Variants in PARD3B observed in about 807,000 individuals in gnomAD.
PARD3B encodes the protein par-3 family cell polarity regulator beta.
In PARD3B, 103 loss-of-function variants were observed where a neutral mutation model predicts 130.2. The observed-to-expected ratio is 0.79, with a 90% confidence interval of 0.67 to 0.93. The LOEUF is 0.93. Ranked by LOEUF, PARD3B falls within the 40% of genes least tolerant of loss-of-function variation. PARD3B has a pLI of 0.00. For synonymous variants in PARD3B, 583 were observed against 553.2 expected, an observed-to-expected ratio of 1.05 and a Z score of -0.76; for missense variants, 1,609 against 1,499.2, an observed-to-expected ratio of 1.07 and a Z score of -1.21.
intron 2 of PARD3B, among the ~76,000 whole-genome samples, chr2:204,856,812 C>T (rs2044961515): frequency 6.6e-6 from 1 of 152,102 alleles, no homozygotes; most frequent in Admixed American, 6.5e-5. Context: ...CCAATTTTGG[C>T]ACCTGTGTGT....
chr2:205,271,984 C>T (rs750797769), intron 16 of PARD3B, among the ~76,000 whole-genome samples: 1 of 151,862 alleles, frequency 6.6e-6, no homozygotes, highest in Non-Finnish European at 1.5e-5. Context: ...ATGGGGAAAC[C>T]CCGTCTCTAC....
intron 22 of PARD3B, among the ~76,000 whole-genome samples, chr2:205,574,497 A>G (rs1285965653): frequency 1.3e-5 from 2 of 152,090 alleles, no homozygotes; most frequent in Non-Finnish European, 2.9e-5. Context: ...TCCACCATAC[A>G]CCATAGTGAC....
chr2:205,068,623 C>A (rs1387789986), intron 4 of PARD3B, among the ~76,000 whole-genome samples: 3 of 151,568 alleles, frequency 2.0e-5, no homozygotes, highest in African/African-American at 7.3e-5. Context: ...ATGCTTAACT[C>A]ATTTATTTGT....
chr2:204,594,088 A>G (rs1391801909), intron 1 of PARD3B, among the ~76,000 whole-genome samples: 1 of 152,196 alleles, frequency 6.6e-6, no homozygotes, highest in Admixed American at 6.5e-5. Flanking sequence ...AATGGAGTCT[A>G]TGATTAAATA....
intron 14 of PARD3B, among the ~76,000 whole-genome samples, chr2:205,190,006 A>G (rs959838202): frequency 3.9e-5 from 6 of 152,236 alleles, no homozygotes; most frequent in African/African-American, 1.4e-4. Flanking sequence ...TCAGATGTGT[A>G]CATAAGAGCA....
At chr2:204,979,604 G>T (rs1161440044) in intron 3 of PARD3B, among the ~76,000 whole-genome samples, 3 of 152,162 alleles carry the variant, frequency 2.0e-5, no homozygotes, top group Non-Finnish European at 2.9e-5. Context: ...TGACAAGACA[G>T]TCTTGAAGAA....
intron 21 of PARD3B, among the ~76,000 whole-genome samples, chr2:205,551,714 A>C (rs534494296): frequency 6.6e-6 from 1 of 152,292 alleles, no homozygotes; most frequent in East Asian, 1.9e-4. Flanking sequence ...CCATATACAC[A>C]GTCTGCACAA....
intron 21 of PARD3B, among the ~76,000 whole-genome samples, chr2:205,503,913 G>A (rs2050253169): frequency 1.3e-5 from 2 of 151,750 alleles, no homozygotes; most frequent in Admixed American, 6.6e-5. Context: ...TGGATTCCTA[G>A]GTATTTTATT....
chr2:205,024,862 G>T (rs1387115522), intron 3 of PARD3B, among the ~76,000 whole-genome samples: 2 of 152,064 alleles, frequency 1.3e-5, no homozygotes, highest in Non-Finnish European at 2.9e-5. Flanking sequence ...ATGCCCTCTG[G>T]CACTGTAATG....
intron 1 of PARD3B, among the ~76,000 whole-genome samples, chr2:204,668,387 C>T (rs527376624): frequency 6.6e-6 from 1 of 152,268 alleles, no homozygotes; most frequent in Admixed American, 6.5e-5. Flanking sequence ...GATTTTCCAT[C>T]TCTGTTTCAT....
intron 2 of PARD3B, among the ~76,000 whole-genome samples, chr2:204,702,009 C>A (rs1040860783): frequency 6.6e-6 from 1 of 152,144 alleles, no homozygotes; most frequent in Non-Finnish European, 1.5e-5. Flanking sequence ...GTTTTCTGTT[C>A]CTGAGTTAAT....
At chr2:204,983,257 A>T (rs1025256824) in intron 3 of PARD3B, among the ~76,000 whole-genome samples, 33 of 152,278 alleles carry the variant, frequency 2.2e-4, no homozygotes, top group South Asian at 4.1e-4. Flanking sequence ...TTCTCAAAAA[A>T]ATTGGTGTTA....
chr2:205,097,887 G>A (rs1002168876), intron 4 of PARD3B, among the ~76,000 whole-genome samples: 2 of 151,798 alleles, frequency 1.3e-5, no homozygotes, highest in African/African-American at 4.8e-5. Context: ...TAATTGCTAA[G>A]ACTGAAACAT....
intron 1 of PARD3B, among the ~76,000 whole-genome samples, chr2:204,613,566 G>A (rs985820589): frequency 6.6e-6 from 1 of 151,924 alleles, no homozygotes; most frequent in Non-Finnish European, 1.5e-5. Context: ...ACCTTCTGGA[G>A]CACTCTTCTA....
intron 20 of PARD3B, among the ~76,000 whole-genome samples, chr2:205,453,722 A>T (rs1417603170): frequency 6.6e-6 from 1 of 152,192 alleles, no homozygotes; most frequent in Non-Finnish European, 1.5e-5. Context: ...ATGTAGTGTG[A>T]TCAATGAATA....
chr2:205,483,222 T>C (rs2049311695), intron 20 of PARD3B, among the ~76,000 whole-genome samples: 1 of 152,230 alleles, frequency 6.6e-6, no homozygotes, highest in Non-Finnish European at 1.5e-5. Flanking sequence ...ACTTTGGGTT[T>C]TGTGATTTCT....
intron 18 of PARD3B, among the ~76,000 whole-genome samples, chr2:205,340,494 C>A (rs1409991985): frequency 6.6e-6 from 1 of 151,938 alleles, no homozygotes; most frequent in Non-Finnish European, 1.5e-5. Flanking sequence ...AATATACATT[C>A]AGGAAGGGAC....
At chr2:205,324,228 T>A (rs1046258896) in intron 18 of PARD3B, among the ~76,000 whole-genome samples, 1 of 152,194 alleles carries the variant, frequency 6.6e-6, no homozygotes, top group Non-Finnish European at 1.5e-5. Context: ...GTAAAATAAA[T>A]TCTTCTATTA....
Position 204,890,824 on chromosome 2 carries a change from C to T in PARD3B, c.223-74328C>T, listed in dbSNP as rs1224135930. Among the ~76,000 whole-genome samples, 1 of 152,192 alleles carries T rather than the reference C, an allele frequency of 6.6e-6. No homozygotes were observed. Among genetic ancestry groups the T allele is most frequent in the Admixed American group, 6.5e-5 (1 of 15,278 alleles). Reference sequence around the variant, plus strand: ...ATAGCACGTTTCACTGCAGCTACTACAGCATCTTTGCTGTCTGGAGGGTAT... The same window carrying T: ...ATAGCACGTTTCACTGCAGCTACTATAGCATCTTTGCTGTCTGGAGGGTAT... On this transcript the variant is annotated intron_variant, in intron 2 of 22. Transcript: ENST00000406610. The surrounding 1 kb of genome is among the most constrained non-coding windows in gnomAD (Gnocchi z 4.9).
Sources: allele counts gnomAD v4.1 joint callset (sites outside exome capture counted in the v4.1 genomes callset), GRCh38; gene constraint gnomAD v4.1.1; non-coding constraint Gnocchi (gnomAD v3.1); transcripts MANE v1.5; gene names NCBI Gene and HGNC (gene_info 2026-07-23, HGNC 2026-07-21).